PARP16: variants seen among roughly 807,000 people sequenced by gnomAD.
The protein encoded by PARP16 is protein mono-ADP-ribosyltransferase PARP16.
PARP16 carries 31 observed loss-of-function variants against 35.0 expected under a neutral mutation model. That is an observed-to-expected ratio of 0.88 (90% CI 0.66 to 1.19). The LOEUF is 1.19. Ranked by LOEUF, PARP16 falls within the 50% of genes most tolerant of loss-of-function variation. PARP16 has a pLI of 0.00. For missense variants in PARP16, 424 were observed against 411.2 expected (o/e 1.03, Z -0.27); for synonymous variants, 162 against 169.5 (o/e 0.96, Z 0.34).
intron 1 of PARP16, among the ~76,000 whole-genome samples, chr15:65,274,678 G>A (rs182228454): frequency 4.6e-5 from 7 of 152,140 alleles, no homozygotes; most frequent in African/African-American, 1.7e-4. Flanking sequence ...TCACCCCCAG[G>A]CTGCATGGCC....
At chr15:65,255,072 G>T (rs2089461711), downstream of PARP16, among the ~76,000 whole-genome samples, 1 of 152,142 alleles carries the variant, frequency 6.6e-6, no homozygotes, top group Non-Finnish European at 1.5e-5. Flanking sequence ...GCAGCTGGGG[G>T]CCCCTATGAG....
chr15:65,279,945 A>G (rs2090368750), intron 1 of PARP16, among the ~76,000 whole-genome samples: 1 of 151,828 alleles, frequency 6.6e-6, no homozygotes, highest in Admixed American at 6.6e-5. Context: ...AGAGGCTTGT[A>G]AAGAATGATC....
At chr15:65,278,375 A>C (rs1281236420) in intron 1 of PARP16, among the ~76,000 whole-genome samples, 1 of 152,250 alleles carries the variant, frequency 6.6e-6, no homozygotes, top group Non-Finnish European at 1.5e-5. Flanking sequence ...GAGGACAAAC[A>C]AAACCCGTCA....
At chr15:65,267,033 G>C (rs2089917679) in intron 2 of PARP16, among the ~76,000 whole-genome samples, 1 of 151,460 alleles carries the variant, frequency 6.6e-6, no homozygotes, top group African/African-American at 2.4e-5. Flanking sequence ...TTTGAGGTCA[G>C]GAGTTCGAGA....
intron 4 of PARP16, 89 bp downstream of exon 4, chr15:65,263,060 A>G: frequency 8.0e-7 from 1 of 1,252,760 alleles, no homozygotes; most frequent in Non-Finnish European, 1.1e-6. Context: ...TGGGCATGCA[A>G]TGGGTGCTCT....
At chr15:65,266,854 C>T in intron 2 of PARP16, 86 bp from the exon 3 acceptor site, 3 of 884,376 alleles carry the variant, frequency 3.4e-6, no homozygotes, top group Non-Finnish European at 3.7e-6. Flanking sequence ...TCAGGCTTAA[C>T]TCCCATGGAC....
At chr15:65,247,798 CTTTTT>C (rs930896140) in intron 3 of PARP16, among the ~76,000 whole-genome samples, 3 of 90,994 alleles carry the variant, frequency 3.3e-5, no homozygotes, top group African/African-American at 1.3e-4. Context: ...ATGGATTGTT[CTTTTT>C]TTTTTTTTTT....
At chr15:65,237,537 GA>G (rs925582869) in intron 3 of PARP16, among the ~76,000 whole-genome samples, 13 of 152,158 alleles carry the variant, frequency 8.5e-5, no homozygotes, top group Admixed American at 1.3e-4. Context: ...GAGGCACAGG[GA>G]GATTTGATTA....
intron 2 of PARP16, chr15:65,248,271 C>T (rs2140763002): frequency 2.2e-6 from 1 of 456,410 alleles, no homozygotes; most frequent in Non-Finnish European, 4.4e-6. Context: ...TAAAAATGTC[C>T]AAGTAAATTA....
intron 3 of PARP16, among the ~76,000 whole-genome samples, chr15:65,235,578 C>A (rs1011922276): frequency 7.0e-6 from 1 of 142,878 alleles, no homozygotes; most frequent in Non-Finnish European, 1.5e-5. Flanking sequence ...ATGAGGTGGG[C>A]AGTTTGTTTG....
At chr15:65,232,030 G>C (rs1430153013), downstream of PARP16, among the ~76,000 whole-genome samples, 1 of 151,952 alleles carries the variant, frequency 6.6e-6, no homozygotes, top group East Asian at 1.9e-4. Flanking sequence ...ACCTACAGTT[G>C]TGTCCTCCAG....
chr15:65,231,696 T>G (rs2088779841), downstream of PARP16, among the ~76,000 whole-genome samples: 3 of 152,192 alleles, frequency 2.0e-5, no homozygotes, highest in Admixed American at 6.5e-5. Flanking sequence ...GATCTGCCCA[T>G]CTCGGCCTCC....
intron 3 of PARP16, among the ~76,000 whole-genome samples, chr15:65,235,883 G>T (rs187615573): frequency 0.028 from 3,343 of 121,092 alleles, 56 homozygotes; most frequent in Non-Finnish European, 0.041. Flanking sequence ...TTTTTTTTGA[G>T]ACTGAGTCTC....
intron 2 of PARP16, among the ~76,000 whole-genome samples, chr15:65,250,170 T>G (rs546740426): frequency 1.4e-5 from 2 of 139,274 alleles, no homozygotes; most frequent in Non-Finnish European, 1.5e-5. Flanking sequence ...CAGGCTGGAG[T>G]GCAATGGTGC....
Position 65,261,015 on chromosome 15 carries a change from T to A in PARP16, c.703A>T (p.Ile235Leu), listed in dbSNP as rs1345628585. ...TTGATTCTCGCTCGTCTGCGATCTA[T>A]CTCCTTGGAATCTGAATAAGGAGAG... ...CQTKKKDSKE[I>L]DRRRARIKHS... Residue 235 changes from isoleucine (I) to leucine (L), a missense_variant, in exon 5 of 6, where the codon ATA becomes TTA. Physicochemically the swap from Ile to Leu is conservative, Grantham distance 5. Coordinates refer to ENST00000649807, the MANE Select transcript of PARP16 (RefSeq NM_001316943.2). 6.2e-7 allele frequency: 1 copy of A among 1,613,700 alleles called. No individual in the cohort carries two copies.
rs375486328 is a variant in PARP16, at chr15:65,235,960, C to T, written c.*98-1137G>A. ...GCAACCTCCGCCTCTCAGGTTCAAG[C>T]GATTCTTCTGCCTCAGCCTCCCAAG... On this transcript the variant is annotated intron_variant and NMD_transcript_variant, in intron 3 of 3. Transcript: ENST00000559805. 2.1e-4 allele frequency among the ~76,000 whole-genome samples: 32 copies of T among 149,576 alleles called. 1 individual carries two copies. In the East Asian group the frequency reaches 5.1e-3, roughly 24 times the overall value.
intron 1 of PARP16, among the ~76,000 whole-genome samples, chr15:65,271,801 A>T (rs2090105302): frequency 6.6e-6 from 1 of 152,174 alleles, no homozygotes; most frequent in Non-Finnish European, 1.5e-5. Flanking sequence ...TTTCTGTGTG[A>T]GAATTAGTTA....
At position 65,240,311 on chromosome 15, in the gene PARP16, GT is replaced by G. The variant is rs1423035873; in HGVS notation, c.*98-5489del. ...CGCCTGGCTAGTGTGTGTGTGTGTG[GT>G]GGGGGGGGCTAGTGTGTGTGTGTGT... On this transcript the variant is annotated intron_variant and NMD_transcript_variant, in intron 3 of 3. Transcript: ENST00000559805. Among the ~76,000 whole-genome samples the G allele has an allele frequency of 6.9e-3, 181 of 26,140 alleles. 6 individuals carry two copies. Among genetic ancestry groups the G allele is most frequent in the Middle Eastern group, 0.019 (1 of 54 alleles). 17.1% of individuals were successfully genotyped at this position (26,140 alleles called of 152,430 possible).
chr15:65,247,198 T>C (rs948990448), intron 3 of PARP16, among the ~76,000 whole-genome samples: 1 of 152,218 alleles, frequency 6.6e-6, no homozygotes, highest in Non-Finnish European at 1.5e-5. Flanking sequence ...TCTGGCTATG[T>C]TGCCCAGGCT....
Sources: allele counts gnomAD v4.1 joint callset (sites outside exome capture counted in the v4.1 genomes callset), GRCh38; gene constraint gnomAD v4.1.1; transcripts MANE v1.5; gene names NCBI Gene and HGNC (gene_info 2026-07-23, HGNC 2026-07-21).